The following KIAA0232 variants were observed in gnomAD, a reference collection of about 807,000 sequenced individuals.
The protein encoded by KIAA0232 is uncharacterized protein KIAA0232.
In KIAA0232, 27 loss-of-function variants were observed where a neutral mutation model predicts 122.0. The ratio of observed to expected loss-of-function variants is 0.22; its 90% CI spans 0.16 to 0.31. KIAA0232 has a LOEUF of 0.31. Among genes scored for constraint, KIAA0232 ranks in the 10% least tolerant of loss-of-function variants. The probability of loss-of-function intolerance (pLI) is 1.00; values close to 1 mark genes in which losing one functional copy is unlikely to be tolerated. For synonymous variants in KIAA0232, 613 were observed against 587.6 expected, an observed-to-expected ratio of 1.04 and a Z score of -0.63; for missense variants, 1,551 against 1,634.2, an observed-to-expected ratio of 0.95 and a Z score of 0.88.
chr4:6,823,890 G>A (rs1235575011), intron 2 of KIAA0232, among the ~76,000 whole-genome samples: 1 of 152,076 alleles, frequency 6.6e-6, no homozygotes, highest in Non-Finnish European at 1.5e-5. Flanking sequence ...CCACACTGGA[G>A]CGCAGGGGTT....
At chr4:6,874,082 G>A (rs1224836465) in intron 8 of KIAA0232, among the ~76,000 whole-genome samples, 1 of 152,220 alleles carries the variant, frequency 6.6e-6, no homozygotes, top group Non-Finnish European at 1.5e-5. Context: ...AACAGGCTCA[G>A]AAAAGAGGCA....
intron 2 of KIAA0232, among the ~76,000 whole-genome samples, chr4:6,810,092 G>A (rs1190623005): frequency 6.6e-6 from 1 of 152,046 alleles, no homozygotes; most frequent in East Asian, 1.9e-4. Flanking sequence ...AAATTCATAT[G>A]AAATCAAAAA....
Position 6,862,894 on chromosome 4 carries a change from G to T in KIAA0232, c.2512G>T (p.Val838Leu). 1 of 1,614,248 alleles carries T rather than the reference G, an allele frequency of 6.2e-7. No homozygotes were observed. Among genetic ancestry groups the T allele is most frequent in the Non-Finnish European group, 8.5e-7 (1 of 1,180,036 alleles). Residue 838 changes from valine to leucine, a missense_variant, in exon 7 of 10, where the codon GTG (valine) becomes TTG (leucine). Transcript: ENST00000307659. ...GACAAAGATGGCAGACACAAATTCT[G>T]TGGCTACAGTAGAAATAGAAAGAAC... Reference protein sequence around the residue: ...IWTKMADTNSVATVEIERTDA... With the variant: ...IWTKMADTNSLATVEIERTDA...
At chr4:6,791,740 T>C (rs1716903884) in intron 1 of KIAA0232, among the ~76,000 whole-genome samples, 1 of 152,218 alleles carries the variant, frequency 6.6e-6, no homozygotes, top group Non-Finnish European at 1.5e-5. Flanking sequence ...GGAATCATGG[T>C]AAAGAGTGTT....
intron 1 of KIAA0232, among the ~76,000 whole-genome samples, chr4:6,800,023 T>TTTTC (rs757767534): frequency 7.6e-4 from 108 of 141,696 alleles, no homozygotes; most frequent in South Asian, 2.5e-3. Flanking sequence ...TCTGTTTTCT[T>TTTTC]TTTCTTTCTT....
At chr4:6,811,171 G>A (rs772450331) in intron 2 of KIAA0232, among the ~76,000 whole-genome samples, 7 of 152,030 alleles carry the variant, frequency 4.6e-5, no homozygotes, top group Non-Finnish European at 7.4e-5. Flanking sequence ...TGTTTATTGC[G>A]GCACTATTCA....
chr4:6,875,849 A>G (rs1040376317), intron 8 of KIAA0232, among the ~76,000 whole-genome samples: 1 of 152,162 alleles, frequency 6.6e-6, no homozygotes, highest in African/African-American at 2.4e-5. Context: ...TAAGGGGAGT[A>G]AGAGGCTGTT....
chr4:6,798,896 C>T lies in KIAA0232; in HGVS notation c.-353-5627C>T, dbSNP rs560620569. Among the ~76,000 whole-genome samples the T allele has an allele frequency of 4.7e-4, 71 of 152,264 alleles. 3 individuals are homozygous for T. In the South Asian group the frequency reaches 0.015, roughly 32 times the overall value. On this transcript the variant is annotated intron_variant, in intron 1 of 9. Transcript: ENST00000307659. Reference sequence around the variant, plus strand: ...GATAAAAGTTGCACGAGAAGAAATGCAGTTTCATCAGGTGTAGGGGAGGAA... The same window carrying T: ...GATAAAAGTTGCACGAGAAGAAATGTAGTTTCATCAGGTGTAGGGGAGGAA...
chr4:6,835,575 G>A (rs1166158544), intron 3 of KIAA0232, among the ~76,000 whole-genome samples: 1 of 152,136 alleles, frequency 6.6e-6, no homozygotes, highest in Non-Finnish European at 1.5e-5. Context: ...CCATCAACTC[G>A]TCATTTACAT....
At chr4:6,878,979 C>G (rs901619786) in intron 9 of KIAA0232, among the ~76,000 whole-genome samples, 2 of 152,162 alleles carry the variant, frequency 1.3e-5, no homozygotes, top group African/African-American at 4.8e-5. Context: ...AAACCCCAAA[C>G]TGAGACATAT....
At chr4:6,842,350 T>C in intron 4 of KIAA0232, 146 bp downstream of exon 4, 1 of 773,414 alleles carries the variant, frequency 1.3e-6, no homozygotes, top group South Asian at 1.9e-5. Context: ...CCACTTTTCC[T>C]TTATGGTATT....
chr4:6,796,501 C>T (rs1327486865), intron 1 of KIAA0232, among the ~76,000 whole-genome samples: 1 of 152,220 alleles, frequency 6.6e-6, no homozygotes, highest in Non-Finnish European at 1.5e-5. Flanking sequence ...CTTGGCCTCC[C>T]AAAGTGCTGG....
In KIAA0232 at chr4:6,880,933, T is replaced by G. The variant is rs745356351; in HGVS notation, c.4155T>G (p.Ser1385Arg). ...GCGGAGGCGAGTGGGTGGGCCCTAG[T>G]GAAGAGGAGCTCTTTTCTCGAACTC... ...SEGGGEWVGP[S>R]EEELFSRTHL Residue 1385 changes from serine (S) to arginine (R), a missense_variant, in exon 10 of 10, where the codon AGT (serine) becomes AGG (arginine). Physicochemically the swap from Ser to Arg is moderately radical, Grantham distance 110. This residue lies in a region of KIAA0232 where 1,108 missense variants were observed against 1,154.8 expected (regional missense o/e 0.96). Transcript: ENST00000307659. 2 of 1,581,058 alleles carry G rather than the reference T, an allele frequency of 1.3e-6. No homozygotes were observed. Among genetic ancestry groups the G allele is most frequent in the Non-Finnish European group, 1.7e-6 (2 of 1,162,904 alleles).
intron 3 of KIAA0232, among the ~76,000 whole-genome samples, chr4:6,838,727 C>CTTTTTTTTTTTTTTT (rs749354748): frequency 9.2e-6 from 1 of 108,250 alleles, no homozygotes; most frequent in Non-Finnish European, 1.9e-5. Context: ...TTCAAAGCAG[C>CTTTTTTTTTTTTTTT]TTTTTTTTTT....
In KIAA0232 at chr4:6,862,046, T is replaced by C. The variant is rs1314800405; in HGVS notation, c.1664T>C (p.Leu555Ser). The change falls in exon 7 of 10, where the codon TTA becomes TCA. Residue 555 changes from leucine (L) to serine (S), a missense_variant. Physicochemically the swap from Leu to Ser is moderately radical, Grantham distance 145. Transcript: ENST00000307659. ...TDFEAECCIV[L>S]DGMELQGERA... Reference sequence around the variant, plus strand: ...TTTGAGGCAGAATGTTGCATAGTGTTAGATGGTATGGAGTTGCAAGGGGAA... The same window carrying C: ...TTTGAGGCAGAATGTTGCATAGTGTCAGATGGTATGGAGTTGCAAGGGGAA... 6.2e-7 allele frequency: 1 copy of C among 1,614,130 alleles called. No individual in the cohort carries two copies. Among genetic ancestry groups the C allele is most frequent in the Admixed American group, 1.7e-5 (1 of 60,016 alleles).
chr4:6,859,855 T>A (rs1318904720), intron 6 of KIAA0232, among the ~76,000 whole-genome samples: 6 of 152,198 alleles, frequency 3.9e-5, no homozygotes, highest in Non-Finnish European at 8.8e-5. Flanking sequence ...CCCAGTTTCC[T>A]AGCAAATCAA....
chr4:6,832,373 G>A (rs1458744042), intron 3 of KIAA0232, among the ~76,000 whole-genome samples: 1 of 149,180 alleles, frequency 6.7e-6, no homozygotes, highest in Admixed American at 6.7e-5. Context: ...TTTGGAGAGG[G>A]ACTCTTGCTG....
chr4:6,863,998 A>G lies in KIAA0232; in HGVS notation c.3616A>G (p.Lys1206Glu). ...ATCAACTGGGATTCTTTCAGTAGGAAAGCAAAATCAGTGTTTGGAATGTAG... is the reference window on the plus strand; with the variant it reads ...ATCAACTGGGATTCTTTCAGTAGGAGAGCAAAATCAGTGTTTGGAATGTAG... ...EESTGILSVG[K>E]QNQCLECSMN... The change falls in exon 7 of 10, where the codon AAG becomes GAG. Residue 1206 changes from lysine to glutamate, a missense_variant. By Grantham distance (56) the Lys-to-Glu change is moderately conservative. Around this residue, in one of 5 missense-constraint regions of KIAA0232, gnomAD observed 1,108 missense variants for 1,154.8 expected, o/e 0.96. Transcript: ENST00000307659. 1 of 1,614,162 alleles carries G rather than the reference A, an allele frequency of 6.2e-7. No homozygotes were observed. The highest frequency in any genetic ancestry group is 1.1e-5 in the South Asian group (1 of 91,070).
At position 6,841,420 on chromosome 4, in the gene KIAA0232, G is replaced by T. The variant is rs559328561; in HGVS notation, c.232-647G>T. On this transcript the variant is annotated intron_variant, in intron 3 of 9. Transcript: ENST00000307659. ...TGACATGCTAGAAGGCAAATATCAA[G>T]ATACAAATTTAACAGAATTCTATAA... Among the ~76,000 whole-genome samples, 19 of 152,264 alleles carry T rather than the reference G, an allele frequency of 1.2e-4. 1 individual carries two copies. In the South Asian group the frequency reaches 3.9e-3, roughly 32 times the overall value.
Sources: gnomAD v4.1 joint callset for allele counts (sites outside exome capture counted in the v4.1 genomes callset) on GRCh38, gnomAD v4.1.1 for gene constraint, gnomAD v4.1.1 regional missense constraint, MANE v1.5 for transcripts, NCBI Gene and HGNC (gene_info 2026-07-23, HGNC 2026-07-21) for gene names.